CACNB4: variants seen among roughly 807,000 people sequenced by gnomAD.
The protein encoded by CACNB4 is calcium voltage-gated channel auxiliary subunit beta 4.
Under a neutral mutation model 71.2 loss-of-function variants are expected in CACNB4, and 32 were observed. That is an observed-to-expected ratio of 0.45 (90% confidence interval 0.34 to 0.60). The LOEUF is 0.60. Ranked by LOEUF, CACNB4 falls within the 20% of genes least tolerant of loss-of-function variation. The probability of loss-of-function intolerance (pLI) is 0.01; values close to 1 mark genes in which losing one functional copy is unlikely to be tolerated. For synonymous variants in CACNB4, 231 were observed against 236.9 expected, an observed-to-expected ratio of 0.97 and a Z score of 0.23; for missense variants, 464 against 647.9, an observed-to-expected ratio of 0.72 and a Z score of 3.08.
chr2:152,029,416 C>T (rs1011723534), intron 2 of CACNB4, among the ~76,000 whole-genome samples: 1 of 150,024 alleles, frequency 6.7e-6, no homozygotes, highest in Non-Finnish European at 1.5e-5. Context: ...ATTGCTTGAA[C>T]CCAGGAGGCA....
In CACNB4 at chr2:152,098,987, T is replaced by A. The variant is rs1195013579; in HGVS notation, c.25A>T (p.Asn9Tyr). ...GAGTGCGGCCCGTCCGCGGTCCCGT[T>A]CTTGGCGTAGGAGGAGGAGGACATC... MSSSSYAKNGTADGPHSPT... is the reference protein window; with the variant it reads MSSSSYAKYGTADGPHSPT... Residue 9 changes from asparagine (N) to tyrosine (Y), a missense_variant, in exon 1 of 14, where the codon AAC becomes TAC. Coordinates refer to ENST00000539935, the MANE Select transcript of CACNB4 (RefSeq NM_000726.5). This position sits in a 1 kb window ranked among gnomAD's most constrained non-coding sequence, Gnocchi z 5.3. 1 of 1,534,668 alleles carries A rather than the reference T, an allele frequency of 6.5e-7. No homozygotes were observed. Among genetic ancestry groups the A allele is most frequent in the South Asian group, 1.2e-5 (1 of 81,754 alleles).
At chr2:152,063,707 T>C (rs922647389) in intron 2 of CACNB4, among the ~76,000 whole-genome samples, 1 of 152,122 alleles carries the variant, frequency 6.6e-6, no homozygotes, top group Non-Finnish European at 1.5e-5. Flanking sequence ...ACATAAGTAA[T>C]ATAAGTGAGT....
chr2:152,095,480 G>A (rs1043710782), intron 2 of CACNB4, among the ~76,000 whole-genome samples: 1 of 150,850 alleles, frequency 6.6e-6, no homozygotes, highest in Non-Finnish European at 1.5e-5. Context: ...CCATATTTTT[G>A]TAAATAATAT....
intron 2 of CACNB4, among the ~76,000 whole-genome samples, chr2:151,985,355 T>C (rs974856865): frequency 1.3e-5 from 2 of 152,324 alleles, no homozygotes; most frequent in African/African-American, 2.4e-5. Flanking sequence ...TTGCACCATA[T>C]AGATGTCCTA....
chr2:151,869,346 T>A (rs1269527346), intron 8 of CACNB4, 111 bp from the exon 9 acceptor site: 1 of 645,000 alleles, frequency 1.6e-6, no homozygotes, highest in Non-Finnish European at 2.8e-6. Context: ...GACCTTATTG[T>A]AGCCATTCGT....
At chr2:152,053,585 G>A (rs751951240) in intron 2 of CACNB4, among the ~76,000 whole-genome samples, 13 of 147,144 alleles carry the variant, frequency 8.8e-5, no homozygotes, top group Non-Finnish European at 1.6e-4. Context: ...GTGCAGTGGT[G>A]TGATCACAGC....
At chr2:151,853,258 A>T (rs950803805) in intron 12 of CACNB4, 190 bp downstream of exon 12, 3 of 516,438 alleles carry the variant, frequency 5.8e-6, no homozygotes, top group Non-Finnish European at 1.0e-5. Context: ...ATTACAAGGC[A>T]AACACCATCC....
chr2:151,834,790 T>C lies in CACNB4; in HGVS notation c.*4329A>G, dbSNP rs2099834541. The C allele has an allele frequency of 6.6e-6, 1 of 151,944 alleles. No homozygotes were observed. The highest frequency in any genetic ancestry group is 1.5e-5 in the Non-Finnish European group (1 of 67,822). 9.4% of individuals were successfully genotyped at this position (151,944 alleles called of 1,614,324 possible). A position where few individuals can be genotyped will look rare whatever the true frequency, so the allele number is the denominator to read the frequency against. ...TGAGTAAGTAACTTACTAACAGTTA[T>C]AGTATTGACAGTATTTAAAGGTATG... On this transcript the variant is annotated 3_prime_UTR_variant, in exon 14 of 14. Transcript: ENST00000539935.
intron 2 of CACNB4, among the ~76,000 whole-genome samples, chr2:152,031,378 T>C (rs1376743204): frequency 6.6e-6 from 1 of 152,236 alleles, no homozygotes; most frequent in African/African-American, 2.4e-5. Context: ...ACAATGCATG[T>C]AGTTCAGGCT....
At chr2:151,925,969 A>G (rs1301090000) in intron 2 of CACNB4, among the ~76,000 whole-genome samples, 1 of 152,208 alleles carries the variant, frequency 6.6e-6, no homozygotes, top group Non-Finnish European at 1.5e-5. Context: ...CCAGATCTGG[A>G]CATGATTAAT....
intron 2 of CACNB4, among the ~76,000 whole-genome samples, chr2:151,943,769 C>T (rs753672894): frequency 6.6e-6 from 1 of 152,260 alleles, no homozygotes; most frequent in Non-Finnish European, 1.5e-5. Flanking sequence ...ACTGATTATG[C>T]ATCATTTGGA....
At chr2:152,023,919 T>C (rs1258870480) in intron 2 of CACNB4, among the ~76,000 whole-genome samples, 3 of 152,242 alleles carry the variant, frequency 2.0e-5, no homozygotes, top group Admixed American at 6.5e-5. Context: ...TGGAGGCACA[T>C]ATCTGTTTAC....
chr2:151,876,747 A>ATAAACTATAT (rs1471616641), intron 4 of CACNB4, among the ~76,000 whole-genome samples, 191 bp from the exon 5 acceptor site: 23 of 143,300 alleles, frequency 1.6e-4, no homozygotes, highest in African/African-American at 5.5e-4. Flanking sequence ...TATATTTTAT[A>ATAAACTATAT]TGTATATGTG....
At chr2:152,031,711 T>A (rs1684293654) in intron 2 of CACNB4, among the ~76,000 whole-genome samples, 1 of 152,144 alleles carries the variant, frequency 6.6e-6, no homozygotes, top group African/African-American at 2.4e-5. Context: ...CCTGATGGCC[T>A]CTAAGGAGTG....
chr2:151,911,526 G>A (rs759396838), intron 2 of CACNB4, among the ~76,000 whole-genome samples: 13 of 152,092 alleles, frequency 8.5e-5, no homozygotes, highest in Non-Finnish European at 1.5e-4. Flanking sequence ...GAATGAAGCC[G>A]TCTTGATCAT....
At chr2:151,859,892 A>G (rs1250644353) in intron 10 of CACNB4, 1 of 152,152 alleles carries the variant, frequency 6.6e-6, no homozygotes. Context: ...GGAAATCTTA[A>G]TTTTATTTTT....
At chr2:151,904,386 G>A (rs2099854245) in intron 2 of CACNB4, among the ~76,000 whole-genome samples, 2 of 152,110 alleles carry the variant, frequency 1.3e-5, no homozygotes, top group African/African-American at 4.8e-5. Context: ...GCTAACTCCA[G>A]TTGCCCTGTT....
chr2:151,848,260 TC>T (rs1230153434), intron 12 of CACNB4, among the ~76,000 whole-genome samples: 1 of 152,198 alleles, frequency 6.6e-6, no homozygotes, highest in Non-Finnish European at 1.5e-5. Flanking sequence ...AAAGGTGTAG[TC>T]CCCTTTGGGC....
At chr2:151,886,268 A>T (rs2099849340) in intron 2 of CACNB4, among the ~76,000 whole-genome samples, 1 of 152,224 alleles carries the variant, frequency 6.6e-6, no homozygotes, top group Non-Finnish European at 1.5e-5. Flanking sequence ...TAAGTCAGGA[A>T]GAAGGCACTT....
Sources: allele counts gnomAD v4.1 joint callset (sites outside exome capture counted in the v4.1 genomes callset), GRCh38; gene constraint gnomAD v4.1.1; non-coding constraint Gnocchi (gnomAD v3.1); transcripts MANE v1.5; gene names NCBI Gene and HGNC (gene_info 2026-07-23, HGNC 2026-07-21).